Variants in NEBL observed in about 807,000 individuals in gnomAD.
NEBL encodes LIM and SH3 protein 2.
In NEBL, 122 loss-of-function variants were observed where a neutral mutation model predicts 140.2. The observed-to-expected ratio is 0.87, with a 90% CI of 0.75 to 1.01. NEBL has a LOEUF of 1.01. Among genes scored for constraint, NEBL ranks in the 50% least tolerant of loss-of-function variants. The pLI, the probability that NEBL is intolerant of heterozygous loss-of-function variation, is 0.00. For missense variants in NEBL, 1,365 were observed against 1,231.3 expected, an observed-to-expected ratio of 1.11 and a Z score of -1.62; for synonymous variants, 436 against 398.9, an observed-to-expected ratio of 1.09 and a Z score of -1.11.
intron 1 of NEBL, among the ~76,000 whole-genome samples, chr10:21,267,737 T>A (rs574457911): frequency 6.6e-6 from 1 of 152,344 alleles, no homozygotes; most frequent in East Asian, 1.9e-4. Context: ...CTATTTCAAT[T>A]TAATATTAAA....
chr10:21,252,475 G>C (rs1842599438), intron 1 of NEBL, among the ~76,000 whole-genome samples: 1 of 152,136 alleles, frequency 6.6e-6, no homozygotes, highest in Non-Finnish European at 1.5e-5. Flanking sequence ...CCTAATTTTA[G>C]GTGAATTAGT....
Position 20,785,935 on chromosome 10 carries a change from A to C in NEBL, c.2869-12T>G. The C allele has an allele frequency of 3.1e-6, 5 of 1,613,080 alleles. No individual in the cohort carries two copies. Among genetic ancestry groups the C allele is most frequent in the Non-Finnish European group, 3.4e-6 (4 of 1,179,136 alleles). ...GCTCGGTAGGTCCTCTGAGAAAGGA[A>C]GAAGGGATTATACGATGAATGCCGA... On this transcript the variant is annotated splice_polypyrimidine_tract_variant and intron_variant, in intron 27 of 27. Coordinates refer to ENST00000377122, the MANE Select transcript of NEBL (RefSeq NM_006393.3).
chr10:20,866,268 G>T (rs1232501481), intron 7 of NEBL, among the ~76,000 whole-genome samples: 1 of 152,082 alleles, frequency 6.6e-6, no homozygotes, highest in South Asian at 2.1e-4. Context: ...ACTTTTACAG[G>T]ATGAAAAGAG....
chr10:21,156,755 G>A (rs1032494447), intron 2 of NEBL, among the ~76,000 whole-genome samples: 2 of 152,014 alleles, frequency 1.3e-5, no homozygotes, highest in Non-Finnish European at 2.9e-5. Context: ...ACTTTCATGA[G>A]AAAATTAATA....
At chr10:20,854,953 G>T (rs534715982) in intron 9 of NEBL, among the ~76,000 whole-genome samples, 12 of 151,856 alleles carry the variant, frequency 7.9e-5, no homozygotes, top group African/African-American at 1.5e-4. Flanking sequence ...GGCTAGGCGC[G>T]GTGGCTCACA....
chr10:21,064,955 T>C (rs903207213), intron 2 of NEBL, among the ~76,000 whole-genome samples: 2 of 151,898 alleles, frequency 1.3e-5, no homozygotes, highest in Non-Finnish European at 2.9e-5. Flanking sequence ...AAGCAAGAAA[T>C]AAGAAGAGTG....
chr10:21,110,643 A>G, intron 2 of NEBL: 1 of 386,876 alleles, frequency 2.6e-6, no homozygotes, highest in Non-Finnish European at 5.0e-6. Flanking sequence ...ATTTATCTCC[A>G]TCCATCTTCT....
At chr10:20,902,122 G>A (rs1847896738), upstream of NEBL, among the ~76,000 whole-genome samples, 1 of 152,070 alleles carries the variant, frequency 6.6e-6, no homozygotes, top group Non-Finnish European at 1.5e-5. Context: ...TTAATAAGGT[G>A]GCCGGGCGCG....
intron 2 of NEBL, among the ~76,000 whole-genome samples, chr10:20,896,483 C>CATAT (rs57289458): frequency 0.019 from 1,639 of 87,818 alleles, 81 homozygotes; most frequent in African/African-American, 0.025. Flanking sequence ...ATATTATATG[C>CATAT]ATATATATAT....
chr10:20,890,193 C>T (rs1846911292), intron 2 of NEBL, among the ~76,000 whole-genome samples: 1 of 152,104 alleles, frequency 6.6e-6, no homozygotes, highest in Non-Finnish European at 1.5e-5. Context: ...CAACACCAGG[C>T]GTGCTGGCTA....
At position 21,151,853 on chromosome 10, in the gene NEBL, C is replaced by A. The variant is rs148526359; in HGVS notation, c.164+20530G>T. On this transcript the variant is annotated intron_variant, in intron 2 of 6. Transcript: ENST00000417816. ...CAACCAAGTGAAACTTATCTCTTCC[C>A]CTGCTCCATTTTTCTCTATAGAACA... Among the ~76,000 whole-genome samples the A allele has an allele frequency of 7.9e-5, 12 of 152,310 alleles. No homozygotes were observed. In the East Asian group the frequency reaches 2.3e-3, roughly 29 times the overall value.
At chr10:21,026,211 A>G (rs918053849) in intron 2 of NEBL, among the ~76,000 whole-genome samples, 5 of 152,178 alleles carry the variant, frequency 3.3e-5, no homozygotes, top group African/African-American at 4.8e-5. Context: ...ACATTTGGCA[A>G]TAGGCAACGT....
intron 2 of NEBL, among the ~76,000 whole-genome samples, chr10:21,049,966 C>A (rs972364813): frequency 6.6e-6 from 1 of 152,050 alleles, no homozygotes; most frequent in African/African-American, 2.4e-5. Context: ...CTTTAGTATC[C>A]CCCAGGAAAC....
At chr10:20,886,692 C>T (rs1336914304) in intron 4 of NEBL, among the ~76,000 whole-genome samples, 1 of 152,156 alleles carries the variant, frequency 6.6e-6, no homozygotes, top group Admixed American at 6.5e-5. Context: ...GGCTGTGCCA[C>T]CTTGGCCAAC....
intron 3 of NEBL, among the ~76,000 whole-genome samples, chr10:21,009,677 G>A (rs908818457): frequency 6.6e-6 from 1 of 152,080 alleles, no homozygotes; most frequent in African/African-American, 2.4e-5. Flanking sequence ...TGTCCCAAAC[G>A]GAAGCTTTTT....
chr10:20,962,101 G>A (rs1325585340), intron 3 of NEBL, among the ~76,000 whole-genome samples: 1 of 152,166 alleles, frequency 6.6e-6, no homozygotes, highest in Non-Finnish European at 1.5e-5. Flanking sequence ...CATGAATCTG[G>A]CTGACAGAAA....
chr10:20,944,056 C>T (rs1006009789), intron 4 of NEBL, among the ~76,000 whole-genome samples: 9 of 152,182 alleles, frequency 5.9e-5, no homozygotes, highest in Non-Finnish European at 1.3e-4. Context: ...CTTTCAGACA[C>T]ACAGTCAATA....
At chr10:20,876,716 T>A (rs1464212625) in intron 5 of NEBL, among the ~76,000 whole-genome samples, 1 of 152,178 alleles carries the variant, frequency 6.6e-6, no homozygotes, top group Non-Finnish European at 1.5e-5. Context: ...CCACATTACT[T>A]ACAAAACTTA....
chr10:21,055,354 G>A (rs889735318), intron 2 of NEBL, among the ~76,000 whole-genome samples: 15 of 152,112 alleles, frequency 9.9e-5, no homozygotes, highest in Admixed American at 2.6e-4. Context: ...TTTCTAAATC[G>A]GCTAATTCAC....
Sources: allele counts gnomAD v4.1 joint callset (sites outside exome capture counted in the v4.1 genomes callset), GRCh38; gene constraint gnomAD v4.1.1; transcripts MANE v1.5; gene names NCBI Gene and HGNC (gene_info 2026-07-23, HGNC 2026-07-21).